Variants in UBE2E2 observed in about 807,000 individuals in gnomAD.
The protein encoded by UBE2E2 is ubiquitin-conjugating enzyme E2 E2.
A neutral mutation model predicts 24.7 loss-of-function variants in UBE2E2; 6 were observed. The ratio of observed to expected loss-of-function variants is 0.24; its 90% CI spans 0.13 to 0.48. The LOEUF (loss-of-function observed/expected upper bound fraction) is 0.48. UBE2E2 is among the 20% of genes least tolerant of loss of function. The pLI is 0.99. For missense variants in UBE2E2, 169 were observed against 245.0 expected, an observed-to-expected ratio of 0.69 and a Z score of 2.07; for synonymous variants, 104 against 83.6, an observed-to-expected ratio of 1.24 and a Z score of -1.33.
At chr3:23,299,350 T>A (rs1467095897) in intron 3 of UBE2E2, among the ~76,000 whole-genome samples, 2 of 152,216 alleles carry the variant, frequency 1.3e-5, no homozygotes, top group Non-Finnish European at 2.9e-5. Flanking sequence ...TGCTCTTGCT[T>A]CTCTAGCTCT....
At chr3:23,342,068 T>C (rs78795801) in intron 3 of UBE2E2, among the ~76,000 whole-genome samples, 4,364 of 152,330 alleles carry the variant, frequency 0.029, 115 homozygotes, top group East Asian at 0.13. Context: ...GACTTTGAAA[T>C]TTCAAATTCA....
At chr3:23,328,283 A>G (rs1694960082) in intron 3 of UBE2E2, among the ~76,000 whole-genome samples, 2 of 152,236 alleles carry the variant, frequency 1.3e-5, no homozygotes, top group Non-Finnish European at 2.9e-5. Flanking sequence ...AATCTATAAA[A>G]TACAGTTGGT....
intron 3 of UBE2E2, among the ~76,000 whole-genome samples, chr3:23,262,819 CA>C (rs893111101): frequency 6.6e-6 from 1 of 151,878 alleles, no homozygotes; most frequent in Non-Finnish European, 1.5e-5. Flanking sequence ...GTGTCACATC[CA>C]AAAAATCCTT....
At chr3:23,461,642 T>C (rs1698806707) in intron 3 of UBE2E2, among the ~76,000 whole-genome samples, 2 of 152,158 alleles carry the variant, frequency 1.3e-5, no homozygotes, top group African/African-American at 4.8e-5. Context: ...TAAAATATCC[T>C]GAGTTGCATT....
At chr3:23,245,449 A>G (rs936406053) in intron 3 of UBE2E2, among the ~76,000 whole-genome samples, 2 of 152,136 alleles carry the variant, frequency 1.3e-5, no homozygotes, top group Non-Finnish European at 2.9e-5. Context: ...TGTAAATCTT[A>G]TTTTCTTTCT....
At chr3:23,266,275 T>C (rs1698045853) in intron 3 of UBE2E2, among the ~76,000 whole-genome samples, 4 of 152,240 alleles carry the variant, frequency 2.6e-5, no homozygotes. Context: ...GATTTTGCAG[T>C]GGCTGGTGCC....
intron 3 of UBE2E2, among the ~76,000 whole-genome samples, chr3:23,356,796 T>C: frequency 6.6e-6 from 1 of 152,170 alleles, no homozygotes; most frequent in East Asian, 1.9e-4. Flanking sequence ...ACATCAAAAT[T>C]TCAGTTATTT....
intron 3 of UBE2E2, among the ~76,000 whole-genome samples, chr3:23,435,783 C>T (rs539257664): frequency 9.2e-5 from 14 of 152,124 alleles, no homozygotes; most frequent in East Asian, 1.9e-4. Flanking sequence ...TGGATGGTTT[C>T]GCTAGGGGCC....
At chr3:23,239,003 A>T (rs930527945) in intron 3 of UBE2E2, among the ~76,000 whole-genome samples, 8 of 152,202 alleles carry the variant, frequency 5.3e-5, no homozygotes. Flanking sequence ...GCCTTTTTGG[A>T]ACATGCGTGA....
At chr3:23,363,311 G>A (rs1056984594) in intron 3 of UBE2E2, among the ~76,000 whole-genome samples, 6 of 152,176 alleles carry the variant, frequency 3.9e-5, no homozygotes. Context: ...TATTAACCTT[G>A]AATGCAAACA....
intron 3 of UBE2E2, among the ~76,000 whole-genome samples, chr3:23,380,125 C>G (rs1336219343): frequency 5.5e-5 from 8 of 146,730 alleles, no homozygotes; most frequent in Non-Finnish European, 1.2e-4. Context: ...GCGAACTTCT[C>G]TATTGGAAAT....
At chr3:23,578,641 T>A (rs541259337) in intron 5 of UBE2E2, among the ~76,000 whole-genome samples, 2 of 152,180 alleles carry the variant, frequency 1.3e-5, no homozygotes, top group South Asian at 4.2e-4. Flanking sequence ...ACATGGATGG[T>A]GTTGGAAGCC....
At chr3:23,449,042 C>T (rs1215419342) in intron 3 of UBE2E2, among the ~76,000 whole-genome samples, 1 of 152,118 alleles carries the variant, frequency 6.6e-6, no homozygotes, top group African/African-American at 2.4e-5. Context: ...TACCTAACAG[C>T]CCAAAGGTAT....
chr3:23,360,080 A>C (rs1696069582), intron 3 of UBE2E2, among the ~76,000 whole-genome samples: 1 of 152,194 alleles, frequency 6.6e-6, no homozygotes, highest in Non-Finnish European at 1.5e-5. Context: ...CTTTCAGATC[A>C]GAAATAGTAT....
At chr3:23,368,612 A>G (rs1314983913) in intron 3 of UBE2E2, among the ~76,000 whole-genome samples, 2 of 152,152 alleles carry the variant, frequency 1.3e-5, no homozygotes, top group East Asian at 1.9e-4. Context: ...ATACTTTTCT[A>G]TGTTATTATT....
rs189739669 is a variant in UBE2E2 at position 23,583,946 on chromosome 3, T to C, written c.509-5788T>C. ...TGATTGCTCTGGCTAAGAATTCCAG[T>C]GTAATATTGACTAGGAGTAGTGAGA... On this transcript the variant is annotated intron_variant, in intron 5 of 5. Transcript: ENST00000396703. This position sits in a 1 kb window ranked among gnomAD's most constrained non-coding sequence, Gnocchi z 4.1. Among the ~76,000 whole-genome samples the C allele has an allele frequency of 1.3e-3, 203 of 152,260 alleles. No individual in the cohort carries two copies. The highest frequency in any genetic ancestry group is 2.6e-3 in the Non-Finnish European group (176 of 68,020).
intron 5 of UBE2E2, among the ~76,000 whole-genome samples, chr3:23,554,984 T>A (rs1018650379): frequency 3.3e-5 from 5 of 151,998 alleles, no homozygotes; most frequent in Admixed American, 2.0e-4. Flanking sequence ...TGATGTGATC[T>A]CTGCTCACTG....
At chr3:23,330,843 T>C (rs895021219) in intron 3 of UBE2E2, among the ~76,000 whole-genome samples, 1 of 152,206 alleles carries the variant, frequency 6.6e-6, no homozygotes, top group Non-Finnish European at 1.5e-5. Flanking sequence ...TCTTCCTTAA[T>C]AAAAGTATAT....
intron 3 of UBE2E2, among the ~76,000 whole-genome samples, chr3:23,227,579 T>C (rs1559447358): frequency 6.6e-6 from 1 of 152,230 alleles, no homozygotes; most frequent in Non-Finnish European, 1.5e-5. Context: ...AAACAGGTAA[T>C]TGAGGAATAT....
Sources: allele counts gnomAD v4.1 joint callset (sites outside exome capture counted in the v4.1 genomes callset), GRCh38; gene constraint gnomAD v4.1.1; non-coding constraint Gnocchi (gnomAD v3.1); transcripts MANE v1.5; gene names NCBI Gene and HGNC (gene_info 2026-07-23, HGNC 2026-07-21).